SCHIP1: variants seen among roughly 807,000 people sequenced by gnomAD.
SCHIP1 encodes schwannomin interacting protein 1.
In SCHIP1, 8 loss-of-function variants were observed where a neutral mutation model predicts 29.7. That is an observed-to-expected ratio of 0.27 (90% CI 0.16 to 0.49). The LOEUF (loss-of-function observed/expected upper bound fraction) is 0.49, where lower values mean the gene tolerates loss of function less well. Among genes scored for constraint, SCHIP1 ranks in the 20% least tolerant of loss-of-function variants. The probability of loss-of-function intolerance (pLI) is 0.99; values close to 1 mark genes in which losing one functional copy is unlikely to be tolerated. For synonymous variants in SCHIP1, 76 were observed against 94.9 expected, an observed-to-expected ratio of 0.80 and a Z score of 1.16; for missense variants, 193 against 294.6, an observed-to-expected ratio of 0.66 and a Z score of 2.52.
At chr3:159,426,296 TAAAG>T in the SCHIP1 span, among the ~76,000 whole-genome samples, 1 of 151,182 alleles carries the variant, frequency 6.6e-6, no homozygotes, top group South Asian at 2.1e-4. Flanking sequence ...GCAAGACTAA[TAAAG>T]AAAAAAAGAG....
chr3:159,835,116 G>A (rs78724990), upstream of SCHIP1, among the ~76,000 whole-genome samples: 51 of 152,264 alleles, frequency 3.3e-4, no homozygotes, highest in East Asian at 7.7e-3. Flanking sequence ...CTGAGGAAAA[G>A]CTTAAAAGTT....
the SCHIP1 span, among the ~76,000 whole-genome samples, chr3:159,339,794 T>G: frequency 0.017 from 2,595 of 152,238 alleles, 91 homozygotes; most frequent in African/African-American, 0.06. Flanking sequence ...TGAGAGTGTA[T>G]TTCAGATTAT....
At chr3:159,603,007 A>G in the SCHIP1 span, among the ~76,000 whole-genome samples, 9 of 152,208 alleles carry the variant, frequency 5.9e-5, no homozygotes, top group African/African-American at 2.2e-4. Flanking sequence ...TTCAATGCCA[A>G]TTATAAGCCC....
At chr3:159,491,382 T>G in the SCHIP1 span, among the ~76,000 whole-genome samples, 93 of 152,340 alleles carry the variant, frequency 6.1e-4, no homozygotes, top group East Asian at 0.014. Context: ...AAACGGCACC[T>G]GGAACATCGG....
chr3:159,778,720 C>T, the SCHIP1 span, among the ~76,000 whole-genome samples: 5 of 152,118 alleles, frequency 3.3e-5, no homozygotes, highest in Admixed American at 2.6e-4. Context: ...TATGTAAATG[C>T]TTTTGAAGAC....
At chr3:159,525,875 C>A in the SCHIP1 span, among the ~76,000 whole-genome samples, 4 of 152,172 alleles carry the variant, frequency 2.6e-5, no homozygotes, top group Admixed American at 2.6e-4. Flanking sequence ...ATTCACCATT[C>A]ATTTAATAAG....
At chr3:159,606,091 G>A in the SCHIP1 span, among the ~76,000 whole-genome samples, 2 of 152,134 alleles carry the variant, frequency 1.3e-5, no homozygotes, top group Admixed American at 6.5e-5. Flanking sequence ...ATAAAATACT[G>A]CAGAATTGGC....
chr3:159,285,759 T>C, the SCHIP1 span, among the ~76,000 whole-genome samples: 1 of 152,184 alleles, frequency 6.6e-6, no homozygotes, highest in African/African-American at 2.4e-5. Context: ...TTTATCCTTC[T>C]GCAATATTTT....
chr3:159,398,660 G>T, the SCHIP1 span, among the ~76,000 whole-genome samples: 1 of 152,054 alleles, frequency 6.6e-6, no homozygotes, highest in Admixed American at 6.6e-5. Flanking sequence ...GACTTGAGAG[G>T]TATTTTATGG....
At chr3:159,401,560 A>ACTT in the SCHIP1 span, 1 of 164,964 alleles carries the variant, frequency 6.1e-6, no homozygotes, top group Non-Finnish European at 1.3e-5. Flanking sequence ...AGGTTAAGCA[A>ACTT]CTTATTCAAG....
intron 1 of SCHIP1, among the ~76,000 whole-genome samples, chr3:159,849,315 T>A (rs538620447): frequency 6.6e-6 from 1 of 152,302 alleles, no homozygotes; most frequent in Non-Finnish European, 1.5e-5. Context: ...AATTGTATAT[T>A]TAAGCCCACT....
At chr3:159,315,201 T>A in the SCHIP1 span, among the ~76,000 whole-genome samples, 1 of 144,212 alleles carries the variant, frequency 6.9e-6, no homozygotes, top group South Asian at 2.2e-4. Context: ...GGACTTCTTT[T>A]TTTTTTTTTT....
chr3:159,824,496 G>A, the SCHIP1 span, among the ~76,000 whole-genome samples: 1 of 152,196 alleles, frequency 6.6e-6, no homozygotes, highest in East Asian at 1.9e-4. Flanking sequence ...CACAGATATA[G>A]CCATCAAACT....
the SCHIP1 span, among the ~76,000 whole-genome samples, chr3:159,275,872 T>A: frequency 6.6e-6 from 1 of 152,184 alleles, no homozygotes; most frequent in Non-Finnish European, 1.5e-5. Flanking sequence ...AGCAGATGTA[T>A]GTGAACAATC....
the SCHIP1 span, among the ~76,000 whole-genome samples, chr3:159,485,796 G>A: frequency 6.6e-6 from 1 of 152,144 alleles, no homozygotes; most frequent in Non-Finnish European, 1.5e-5. Context: ...CTTGATAAAT[G>A]GCAGGTGCAT....
At chr3:159,542,615 C>A in the SCHIP1 span, among the ~76,000 whole-genome samples, 1 of 151,990 alleles carries the variant, frequency 6.6e-6, no homozygotes, top group Non-Finnish European at 1.5e-5. Flanking sequence ...ATGCTGGGCC[C>A]TCTGTTGAAA....
At chr3:159,392,226 C>A in the SCHIP1 span, among the ~76,000 whole-genome samples, 1 of 152,164 alleles carries the variant, frequency 6.6e-6, no homozygotes, top group Admixed American at 6.6e-5. Context: ...ACTGTCAACA[C>A]AATCAGGCCA....
At chr3:159,585,954 TTGGATGGATGGATGAATGGA>T in the SCHIP1 span, among the ~76,000 whole-genome samples, 5 of 152,068 alleles carry the variant, frequency 3.3e-5, no homozygotes, top group Admixed American at 3.3e-4. Flanking sequence ...CATAATATTA[TTGGATGGATGGATGAATGGA>T]TGGATGGATG....
the SCHIP1 span, among the ~76,000 whole-genome samples, chr3:159,478,320 C>T: frequency 1.3e-5 from 2 of 152,104 alleles, no homozygotes; most frequent in African/African-American, 4.8e-5. Context: ...TCCCCAACAC[C>T]ATTTGTTGAA....
Sources: allele counts gnomAD v4.1 joint callset (sites outside exome capture counted in the v4.1 genomes callset), GRCh38; gene constraint gnomAD v4.1.1; transcripts MANE v1.5; gene names NCBI Gene and HGNC (gene_info 2026-07-23, HGNC 2026-07-21).